Variants in MSANTD5 observed in about 807,000 individuals in gnomAD.
MSANTD5 encodes the protein uncharacterized protein MSANTD5.
At chr5:178,703,696 T>C in the MSANTD5 span, among the ~76,000 whole-genome samples, 1 of 151,502 alleles carries the variant, frequency 6.6e-6, no homozygotes, top group African/African-American at 2.4e-5. Context: ...AAAAGACAAA[T>C]ATTTGGCTGG....
At chr5:178,695,954 G>A (rs1456770286) in intron 2 of MSANTD5, 143 bp downstream of exon 2, 2 of 152,226 alleles carry the variant, frequency 1.3e-5, no homozygotes, top group Non-Finnish European at 2.9e-5. Context: ...CTGTGGGCAG[G>A]GAGCTTAGGG....
chr5:178,702,313 T>G (rs998416138), upstream of MSANTD5, among the ~76,000 whole-genome samples: 5 of 147,730 alleles, frequency 3.4e-5, no homozygotes, highest in Non-Finnish European at 6.0e-5. Flanking sequence ...TTTTTTTTTT[T>G]TTTTTGACAT....
At chr5:178,691,551 T>C (rs1765358266), downstream of MSANTD5, among the ~76,000 whole-genome samples, 1 of 136,274 alleles carries the variant, frequency 7.3e-6, no homozygotes, top group East Asian at 1.9e-4. Flanking sequence ...TGTTGGTAAA[T>C]TGTACCTCAC....
At chr5:178,699,612 T>C (rs868809773), upstream of MSANTD5, among the ~76,000 whole-genome samples, 4 of 152,152 alleles carry the variant, frequency 2.6e-5, no homozygotes, top group South Asian at 8.3e-4. Context: ...GGTTTCACCA[T>C]GTTGGCTAGG....
downstream of MSANTD5, among the ~76,000 whole-genome samples, chr5:178,691,576 G>C (rs958494566): frequency 1.5e-5 from 2 of 136,364 alleles, no homozygotes; most frequent in African/African-American, 5.2e-5. Flanking sequence ...TCTTTTCTCT[G>C]TGAAAGCCCA....
upstream of MSANTD5, among the ~76,000 whole-genome samples, chr5:178,700,767 G>T (rs4288133): frequency 9.2e-5 from 14 of 152,152 alleles, no homozygotes; most frequent in Non-Finnish European, 1.0e-4. Flanking sequence ...GGAGAGGCTC[G>T]GAAGGCCAGG....
chr5:178,707,331 G>T, the MSANTD5 span, among the ~76,000 whole-genome samples: 33 of 152,046 alleles, frequency 2.2e-4, no homozygotes, highest in Admixed American at 3.9e-4. Flanking sequence ...GGCTATCAGA[G>T]GTTGTCTGTG....
intron 1 of MSANTD5, among the ~76,000 whole-genome samples, chr5:178,697,371 C>A (rs13360580): frequency 2.0e-5 from 3 of 151,790 alleles, no homozygotes; most frequent in Non-Finnish European, 4.4e-5. Flanking sequence ...GGAGAATGGC[C>A]TGAACCCGGG....
upstream of MSANTD5, among the ~76,000 whole-genome samples, chr5:178,699,033 A>C (rs180875419): frequency 2.2e-4 from 34 of 152,124 alleles, no homozygotes; most frequent in South Asian, 1.5e-3. Flanking sequence ...TATGGTCAGG[A>C]AACTCTTCTC....
At chr5:178,699,939 C>CTGTGGCTTTT (rs1273902961), upstream of MSANTD5, among the ~76,000 whole-genome samples, 1 of 138,666 alleles carries the variant, frequency 7.2e-6, no homozygotes, top group Non-Finnish European at 1.6e-5. Context: ...CTGTGGCTTT[C>CTGTGGCTTTT]CAGCACAGAC....
chr5:178,694,375 A>ATTGAGCAG (rs1765388597), downstream of MSANTD5, among the ~76,000 whole-genome samples: 1 of 151,220 alleles, frequency 6.6e-6, no homozygotes. Context: ...TGAAGGCAGG[A>ATTGAGCAG]TTGAGCAGTT....
chr5:178,703,049 A>G, the MSANTD5 span, among the ~76,000 whole-genome samples: 1 of 152,292 alleles, frequency 6.6e-6, no homozygotes, highest in African/African-American at 2.4e-5. Context: ...CACACGAGAG[A>G]GCACCCGAGA....
At chr5:178,699,216 C>T (rs1386249947), upstream of MSANTD5, among the ~76,000 whole-genome samples, 30 of 152,158 alleles carry the variant, frequency 2.0e-4, no homozygotes, top group Admixed American at 1.9e-3. Flanking sequence ...ACTTTAGGCA[C>T]CTCAGCCCTG....
downstream of MSANTD5, among the ~76,000 whole-genome samples, chr5:178,694,087 C>T (rs1226404166): frequency 2.0e-5 from 3 of 151,896 alleles, no homozygotes; most frequent in East Asian, 1.9e-4. Context: ...GAGGCCAAGG[C>T]GAGTGGATCA....
At chr5:178,698,464 C>T (rs1423052532), upstream of MSANTD5, among the ~76,000 whole-genome samples, 2 of 152,126 alleles carry the variant, frequency 1.3e-5, no homozygotes, top group Non-Finnish European at 2.9e-5. Flanking sequence ...CAAATCTTAA[C>T]TCTTGGGCTT....
At chr5:178,699,670 C>A (rs948215998), upstream of MSANTD5, among the ~76,000 whole-genome samples, 1 of 152,192 alleles carries the variant, frequency 6.6e-6, no homozygotes, top group Non-Finnish European at 1.5e-5. Flanking sequence ...CTTGGCCTCC[C>A]AAAATGCTGG....
chr5:178,692,759 G>A (rs112923938), downstream of MSANTD5, among the ~76,000 whole-genome samples: 805 of 152,120 alleles, frequency 5.3e-3, 6 homozygotes, highest in Non-Finnish European at 9.2e-3. Context: ...GTATTTCAGC[G>A]GTTGCCAGGA....
At chr5:178,707,335 G>T in the MSANTD5 span, among the ~76,000 whole-genome samples, 1 of 152,036 alleles carries the variant, frequency 6.6e-6, no homozygotes, top group Non-Finnish European at 1.5e-5. Context: ...ATCAGAGGTT[G>T]TCTGTGTAGC....
chr5:178,693,319 T>C (rs1338030118), downstream of MSANTD5, among the ~76,000 whole-genome samples: 2 of 151,896 alleles, frequency 1.3e-5, no homozygotes, highest in Non-Finnish European at 2.9e-5. Flanking sequence ...CTCAAAAAAA[T>C]ATAATAATGT....
Sources: gnomAD v4.1 joint callset for allele counts (sites outside exome capture counted in the v4.1 genomes callset) on GRCh38, gnomAD v4.1.1 for gene constraint, MANE v1.5 for transcripts, NCBI Gene and HGNC (gene_info 2026-07-23, HGNC 2026-07-21) for gene names.